The following ABHD3 variants were observed in gnomAD, a reference collection of about 807,000 sequenced individuals.
ABHD3 encodes abhydrolase domain containing 3, phospholipase, also known as phospholipase ABHD3.
In ABHD3, 46 loss-of-function variants were observed where a neutral mutation model predicts 48.8. That is an observed-to-expected ratio of 0.94 (90% CI 0.74 to 1.20). The LOEUF (loss-of-function observed/expected upper bound fraction) is 1.20, where lower values mean the gene tolerates loss of function less well. Among genes scored for constraint, ABHD3 ranks in the 50% most tolerant of loss-of-function variants. The pLI is 0.00. For synonymous variants in ABHD3, 192 were observed against 183.7 expected (o/e 1.04, Z -0.36); for missense variants, 490 against 497.8 (o/e 0.98, Z 0.15).
At chr18:21,654,765 G>A (rs1362989870) in intron 8 of ABHD3, 3 of 152,232 alleles carry the variant, frequency 2.0e-5, no homozygotes, top group Non-Finnish European at 2.9e-5. Flanking sequence ...TGAGGCATGT[G>A]AAAGATGCTG....
At chr18:21,692,522 T>G (rs1036401158) in intron 3 of ABHD3, among the ~76,000 whole-genome samples, 1 of 144,486 alleles carries the variant, frequency 6.9e-6, no homozygotes, top group Admixed American at 7.7e-5. Flanking sequence ...CCCTATGAAT[T>G]TTTTTAAAAA....
intron 4 of ABHD3, among the ~76,000 whole-genome samples, chr18:21,681,865 A>T (rs558881984): frequency 6.6e-5 from 10 of 152,156 alleles, no homozygotes; most frequent in Non-Finnish European, 1.0e-4. Context: ...GGCCAGGTGC[A>T]GTGGCTCACA....
At chr18:21,673,607 TTTTGTTTTTTG>T (rs2039806850) in intron 4 of ABHD3, 1 of 144,888 alleles carries the variant, frequency 6.9e-6, no homozygotes, top group Admixed American at 8.3e-5. Context: ...TTTTGTTTTG[TTTTGTTTTTTG>T]TTTTTTTGAG....
At chr18:21,678,385 G>A (rs2039935218) in intron 4 of ABHD3, among the ~76,000 whole-genome samples, 1 of 152,016 alleles carries the variant, frequency 6.6e-6, no homozygotes, top group Non-Finnish European at 1.5e-5. Flanking sequence ...TTCTTACTGG[G>A]TTAGGAACAC....
At chr18:21,697,998 T>C (rs2040421780) in intron 3 of ABHD3, among the ~76,000 whole-genome samples, 2 of 151,998 alleles carry the variant, frequency 1.3e-5, no homozygotes, top group African/African-American at 4.8e-5. Flanking sequence ...ACCTTCAACC[T>C]TTACACAAAT....
intron 5 of ABHD3, among the ~76,000 whole-genome samples, chr18:21,661,125 A>AAAAG (rs2039485056): frequency 6.6e-6 from 1 of 150,916 alleles, no homozygotes; most frequent in South Asian, 2.1e-4. Flanking sequence ...AAAAAAAAAA[A>AAAAG]AGAGAAATAA....
chr18:21,702,142 G>A, intron 3 of ABHD3, 174 bp downstream of exon 3: 1 of 567,344 alleles, frequency 1.8e-6, no homozygotes, highest in East Asian at 3.1e-5. Context: ...AGATGATTCA[G>A]TTATGCATCT....
At chr18:21,689,152 A>G (rs535700415) in intron 3 of ABHD3, among the ~76,000 whole-genome samples, 1 of 152,320 alleles carries the variant, frequency 6.6e-6, no homozygotes, top group African/African-American at 2.4e-5. Flanking sequence ...GAAAATGAAA[A>G]TCATACTGGG....
At chr18:21,669,090 A>C (rs758940326) in intron 4 of ABHD3, among the ~76,000 whole-genome samples, 12 of 152,008 alleles carry the variant, frequency 7.9e-5, no homozygotes, top group Non-Finnish European at 1.6e-4. Flanking sequence ...AAAAAAACCC[A>C]CACCCAAAAT....
At position 21,698,996 on chromosome 18, in the gene ABHD3, C is replaced by T. The variant is rs115026756; in HGVS notation, c.509+3320G>A. Among the ~76,000 whole-genome samples the T allele has an allele frequency of 7.8e-3, 1,191 of 151,720 alleles. 10 individuals carry two copies. The highest frequency in any genetic ancestry group is 0.026 in the African/African-American group (1,080 of 41,296). ...TCTCCTAGACTGGAGTGTAGTGGCA[C>T]GATCTCAGCTCACTGCAACCTCCAC... On this transcript the variant is annotated intron_variant, in intron 3 of 8. Coordinates refer to ENST00000289119, the MANE Select transcript of ABHD3 (RefSeq NM_138340.5).
At chr18:21,666,262 T>C (rs1456993167) in intron 4 of ABHD3, among the ~76,000 whole-genome samples, 1 of 152,092 alleles carries the variant, frequency 6.6e-6, no homozygotes, top group Non-Finnish European at 1.5e-5. Context: ...GGCGCGATCT[T>C]GGCTCACTGC....
In ABHD3 at chr18:21,651,396, CAATCT is replaced by C. The variant is rs2039217365; in HGVS notation, c.*190_*194del. The stretch of plus-strand genomic sequence containing the variant: ...GTAAAAATAAAATCTACGTAAGTAA[CAATCT>C]AATACTATATTTAATTTGTTGCTAC... On this transcript the variant is annotated 3_prime_UTR_variant, in exon 9 of 9. Coordinates refer to ENST00000289119, the MANE Select transcript of ABHD3 (RefSeq NM_138340.5). 1 of 467,372 alleles carries C rather than the reference CAATCT, an allele frequency of 2.1e-6. No homozygotes were observed. The highest frequency in any genetic ancestry group is 3.7e-5 in the East Asian group (1 of 27,026). The allele number at this position is 467,372 out of a possible 1,614,324, so 29.0% of individuals were successfully genotyped here.
intron 3 of ABHD3, among the ~76,000 whole-genome samples, chr18:21,687,756 G>A (rs1056676015): frequency 1.3e-5 from 2 of 152,186 alleles, no homozygotes; most frequent in African/African-American, 4.8e-5. Flanking sequence ...AAACAGGTGG[G>A]TGTCCTTTAA....
intron 8 of ABHD3, among the ~76,000 whole-genome samples, chr18:21,656,150 A>C (rs1320005671): frequency 1.3e-5 from 2 of 152,310 alleles, no homozygotes; most frequent in Middle Eastern, 3.4e-3. Flanking sequence ...AGCGAAAAAG[A>C]AAGCAGGAAA....
chr18:21,682,884 T>C (rs1027422182), intron 4 of ABHD3: 1 of 152,196 alleles, frequency 6.6e-6, no homozygotes, highest in Non-Finnish European at 1.5e-5. Context: ...CTGGATTGAA[T>C]GAGAAAACGT....
intron 4 of ABHD3, among the ~76,000 whole-genome samples, chr18:21,680,787 T>TA (rs2039986434): frequency 6.6e-6 from 1 of 152,126 alleles, no homozygotes. Flanking sequence ...AGTATGTTTT[T>TA]AAAGTATCCT....
chr18:21,703,821 G>C (rs932299138), intron 1 of ABHD3, 74 bp from the exon 2 acceptor site: 5 of 1,532,238 alleles, frequency 3.3e-6, no homozygotes, highest in Non-Finnish European at 4.4e-6. Flanking sequence ...AACCGGCAAA[G>C]ACTTGTCGCT....
At chr18:21,670,611 A>G (rs1321011347) in intron 4 of ABHD3, among the ~76,000 whole-genome samples, 15 of 152,146 alleles carry the variant, frequency 9.9e-5, no homozygotes, top group Admixed American at 9.8e-4. Flanking sequence ...GACCAATGGG[A>G]TACTGTTCTC....
At chr18:21,663,501 C>T (rs559195107) in intron 5 of ABHD3, among the ~76,000 whole-genome samples, 1 of 151,390 alleles carries the variant, frequency 6.6e-6, no homozygotes, top group Non-Finnish European at 1.5e-5. Context: ...TAGAAATAAG[C>T]CTAAATAGGA....
Sources: gnomAD v4.1 joint callset for allele counts (sites outside exome capture counted in the v4.1 genomes callset) on GRCh38, gnomAD v4.1.1 for gene constraint, MANE v1.5 for transcripts, NCBI Gene and HGNC (gene_info 2026-07-23, HGNC 2026-07-21) for gene names.